The following EML6 variants were observed in gnomAD, a reference collection of about 807,000 sequenced individuals.
EML6 encodes the protein EMAP like 6.
In EML6, 154 loss-of-function variants were observed where a neutral mutation model predicts 240.1. The ratio of observed to expected loss-of-function variants is 0.64; its 90% CI spans 0.56 to 0.73. The LOEUF is 0.73. Among genes scored for constraint, EML6 ranks in the 30% least tolerant of loss-of-function variants. EML6 has a pLI of 0.00. For missense variants in EML6, 2,964 were observed against 2,474.6 expected, an observed-to-expected ratio of 1.20 and a Z score of -4.20; for synonymous variants, 1,148 against 899.0, an observed-to-expected ratio of 1.28 and a Z score of -4.95.
At chr2:54,827,789 C>T (rs1366021082) in intron 6 of EML6, 38 bp downstream of exon 6, 19 of 1,458,346 alleles carry the variant, frequency 1.3e-5, no homozygotes, top group South Asian at 2.5e-5. Flanking sequence ...GGTGACCTAC[C>T]AAATAAGGTA....
intron 2 of EML6, among the ~76,000 whole-genome samples, chr2:54,734,218 A>G (rs1683292925): frequency 6.6e-6 from 1 of 152,156 alleles, no homozygotes; most frequent in African/African-American, 2.4e-5. Flanking sequence ...GGTGCCTGTA[A>G]TCCCAGCTAC....
intron 5 of EML6, among the ~76,000 whole-genome samples, chr2:54,822,009 G>C (rs1397261789): frequency 6.6e-6 from 1 of 151,976 alleles, no homozygotes; most frequent in Non-Finnish European, 1.5e-5. Flanking sequence ...CAAAAAGAGG[G>C]AAACCGCAAA....
chr2:54,948,237 G>T (rs977552714), intron 28 of EML6, among the ~76,000 whole-genome samples: 5 of 152,268 alleles, frequency 3.3e-5, no homozygotes, highest in African/African-American at 9.6e-5. Flanking sequence ...ACGGAGGCGG[G>T]AAAAGCAACC....
At chr2:54,945,773 G>A (rs953271495) in intron 28 of EML6, among the ~76,000 whole-genome samples, 1 of 152,240 alleles carries the variant, frequency 6.6e-6, no homozygotes, top group Non-Finnish European at 1.5e-5. Flanking sequence ...TGCCTTGCGG[G>A]TCTGTGCAGG....
At chr2:54,948,105 A>G (rs149202182) in intron 28 of EML6, among the ~76,000 whole-genome samples, 9 of 152,330 alleles carry the variant, frequency 5.9e-5, no homozygotes, top group African/African-American at 9.6e-5. Context: ...CGACCCATCC[A>G]TAGAGAAATC....
chr2:54,782,054 C>A (rs1668878738), intron 2 of EML6, among the ~76,000 whole-genome samples: 1 of 152,290 alleles, frequency 6.6e-6, no homozygotes, highest in South Asian at 2.1e-4. Context: ...AAAAAGTTTT[C>A]TCTATTTTAT....
intron 7 of EML6, among the ~76,000 whole-genome samples, chr2:54,840,135 A>T (rs541380420): frequency 6.6e-6 from 1 of 152,316 alleles, no homozygotes; most frequent in South Asian, 2.1e-4. Flanking sequence ...GCATAAATAG[A>T]TACTTGACCA....
At chr2:54,907,909 TAGATAGA>T (rs535381906) in intron 24 of EML6, among the ~76,000 whole-genome samples, 1 of 32,258 alleles carries the variant, frequency 3.1e-5, no homozygotes, top group Non-Finnish European at 8.2e-5. Flanking sequence ...ATTAGATAGA[TAGATAGA>T]TAGATAGATA....
In EML6 at chr2:54,971,926, T is replaced by G. The variant is rs1387489159; in HGVS notation, c.*1831T>G. On this transcript the variant is annotated 3_prime_UTR_variant, in exon 42 of 42. Coordinates refer to ENST00000356458, the MANE Select transcript of EML6 (RefSeq NM_001039753.4). Reference sequence around the variant, plus strand: ...TTCATAAATCCTGCACTGTATGATATATGTGAGTTAAAACATTGGTGCATG... The same window carrying G: ...TTCATAAATCCTGCACTGTATGATAGATGTGAGTTAAAACATTGGTGCATG... The G allele has an allele frequency of 6.6e-6, 1 of 152,238 alleles. No individual in the cohort carries two copies. Among genetic ancestry groups the G allele is most frequent in the Non-Finnish European group, 1.5e-5 (1 of 68,044 alleles). The allele number at this position is 152,238 out of a possible 1,614,324, so 9.4% of individuals were successfully genotyped here. A position where few individuals can be genotyped will look rare whatever the true frequency, so the allele number is the denominator to read the frequency against.
intron 28 of EML6, among the ~76,000 whole-genome samples, chr2:54,940,614 C>G (rs1483756391): frequency 6.6e-6 from 1 of 152,208 alleles, no homozygotes; most frequent in Non-Finnish European, 1.5e-5. Context: ...GACCAATTTA[C>G]TTAGCCTGAT....
chr2:54,849,720 C>T (rs7559919), intron 9 of EML6, among the ~76,000 whole-genome samples: 54,464 of 152,112 alleles, frequency 0.36, 10,134 homozygotes, highest in Middle Eastern at 0.46. Flanking sequence ...AATCTCCTGA[C>T]CTCGTGATCC....
chr2:54,925,992 T>C (rs1280711726), intron 26 of EML6, among the ~76,000 whole-genome samples: 1 of 152,216 alleles, frequency 6.6e-6, no homozygotes, highest in Non-Finnish European at 1.5e-5. Context: ...TGGAAAATTT[T>C]ATAGACAGGG....
At chr2:54,895,143 C>G (rs1031075037) in intron 20 of EML6, 117 bp downstream of exon 20, 6 of 1,310,110 alleles carry the variant, frequency 4.6e-6, no homozygotes, top group South Asian at 1.4e-5. Flanking sequence ...ATGTTTAGAA[C>G]TCTCTTCCTC....
intron 17 of EML6, among the ~76,000 whole-genome samples, chr2:54,888,459 A>G (rs772836774): frequency 4.6e-5 from 7 of 152,198 alleles, no homozygotes; most frequent in Non-Finnish European, 1.0e-4. Context: ...ACAACAGTAT[A>G]TTCAGGAGAG....
At chr2:54,912,574 C>A (rs1416477343) in intron 25 of EML6, among the ~76,000 whole-genome samples, 2 of 152,094 alleles carry the variant, frequency 1.3e-5, no homozygotes, top group African/African-American at 4.8e-5. Flanking sequence ...TCTCTCTGCC[C>A]CCCAGGAATC....
intron 9 of EML6, 70 bp from the exon 10 acceptor site, chr2:54,849,892 C>A: frequency 5.5e-6 from 7 of 1,272,666 alleles, no homozygotes; most frequent in Non-Finnish European, 7.6e-6. Context: ...TTTTCTGACA[C>A]ATATATTTTA....
At chr2:54,958,853 A>C (rs1005897914) in intron 33 of EML6, among the ~76,000 whole-genome samples, 2 of 152,050 alleles carry the variant, frequency 1.3e-5, no homozygotes, top group Non-Finnish European at 2.9e-5. Context: ...TTGCTAATGC[A>C]CAGCTGTGCT....
rs2103886140 is a variant in EML6, at chr2:54,867,090, C to G, written c.2051+206C>G. On this transcript the variant is annotated intron_variant, in intron 14 of 41. Coordinates refer to ENST00000356458, the MANE Select transcript of EML6 (RefSeq NM_001039753.4). ...TCCCTCGTTGATGTTCTGTGGCCAT[C>G]ACAGTGTGATTGTCTCTAGATTTCT... 3 of 403,892 alleles carry G rather than the reference C, an allele frequency of 7.4e-6. No individual in the cohort carries two copies. The East Asian group carries it at 1.1e-4, about 15-fold the overall frequency. The allele number at this position is 403,892 out of a possible 1,614,324, so 25.0% of individuals were successfully genotyped here. A position where few individuals can be genotyped will look rare whatever the true frequency, so the allele number is the denominator to read the frequency against.
chr2:54,899,579 TA>T (rs1672949769), intron 21 of EML6, 61 bp from the exon 22 acceptor site: 1 of 1,501,696 alleles, frequency 6.7e-7, no homozygotes, highest in East Asian at 2.5e-5. Context: ...AGCACCAGGC[TA>T]AAGAAGGGCT....
Sources: allele counts gnomAD v4.1 joint callset (sites outside exome capture counted in the v4.1 genomes callset), GRCh38; gene constraint gnomAD v4.1.1; transcripts MANE v1.5; gene names NCBI Gene and HGNC (gene_info 2026-07-23, HGNC 2026-07-21).